The following SYNPR variants were observed in gnomAD, a reference collection of about 807,000 sequenced individuals.
The protein encoded by SYNPR is synaptoporin.
Under a neutral mutation model 32.9 loss-of-function variants are expected in SYNPR, and 23 were observed. The ratio of observed to expected loss-of-function variants is 0.70; its 90% CI spans 0.50 to 0.99. The LOEUF (loss-of-function observed/expected upper bound fraction) is 0.99, where lower values mean the gene tolerates loss of function less well. SYNPR is among the 50% of genes least tolerant of loss of function. SYNPR has a pLI of 0.00. For missense variants in SYNPR, 318 were observed against 349.3 expected (o/e 0.91, Z 0.71); for synonymous variants, 146 against 135.9 (o/e 1.07, Z -0.52).
intron 2 of SYNPR, among the ~76,000 whole-genome samples, chr3:63,338,303 G>C (rs62251360): frequency 0.13 from 19,439 of 152,240 alleles, 1,357 homozygotes; most frequent in Non-Finnish European, 0.16. Context: ...TACCCCATGA[G>C]AAGGTTCATG....
intron 4 of SYNPR, among the ~76,000 whole-genome samples, 178 bp from the exon 5 acceptor site, chr3:63,608,943 AAGAT>A (rs1355353368): frequency 1.3e-5 from 2 of 152,102 alleles, no homozygotes; most frequent in Non-Finnish European, 2.9e-5. Context: ...ATTTTATAGA[AAGAT>A]AAATATAATA....
At chr3:63,439,717 G>A (rs1700136063) in intron 2 of SYNPR, among the ~76,000 whole-genome samples, 1 of 152,154 alleles carries the variant, frequency 6.6e-6, no homozygotes, top group African/African-American at 2.4e-5. Flanking sequence ...CTTCCAGAAT[G>A]TTCTTTGAAT....
At chr3:63,282,419 G>C (rs900678263) in intron 2 of SYNPR, among the ~76,000 whole-genome samples, 2 of 152,074 alleles carry the variant, frequency 1.3e-5, no homozygotes, top group African/African-American at 4.8e-5. Context: ...GAGAGAAACT[G>C]AAAACAAATT....
intron 3 of SYNPR, among the ~76,000 whole-genome samples, chr3:63,491,577 A>G (rs11130929): frequency 0.6 from 90,440 of 151,916 alleles, 27,071 homozygotes; most frequent in African/African-American, 0.64. Context: ...CTGGAGGGCA[A>G]TGGTGCAATC....
At chr3:63,369,161 C>G (rs1408671042) in intron 2 of SYNPR, among the ~76,000 whole-genome samples, 2 of 152,124 alleles carry the variant, frequency 1.3e-5, no homozygotes, top group East Asian at 3.9e-4. Flanking sequence ...AAAGAGACAC[C>G]AGGAACATGC....
chr3:63,602,528 T>C (rs1274370082), intron 4 of SYNPR, among the ~76,000 whole-genome samples: 4 of 152,178 alleles, frequency 2.6e-5, no homozygotes, highest in Admixed American at 1.3e-4. Context: ...TTGTATATGG[T>C]GTAAGAAAAG....
At chr3:63,549,821 T>C (rs1428353284) in intron 3 of SYNPR, among the ~76,000 whole-genome samples, 3 of 152,056 alleles carry the variant, frequency 2.0e-5, no homozygotes, top group African/African-American at 2.4e-5. Context: ...TAAACATTGG[T>C]ACATATTTTT....
intron 2 of SYNPR, among the ~76,000 whole-genome samples, chr3:63,366,445 A>G (rs1050369489): frequency 2.6e-5 from 4 of 152,236 alleles, no homozygotes; most frequent in Non-Finnish European, 4.4e-5. Flanking sequence ...AAGCCACTCT[A>G]GGAAATTTTC....
At chr3:63,421,693 G>T (rs1699801543) in intron 2 of SYNPR, among the ~76,000 whole-genome samples, 1 of 152,164 alleles carries the variant, frequency 6.6e-6, no homozygotes, top group African/African-American at 2.4e-5. Flanking sequence ...CAGGCACTCT[G>T]CTCAGACTGA....
intron 2 of SYNPR, among the ~76,000 whole-genome samples, chr3:63,465,753 A>C (rs1700666080): frequency 6.6e-6 from 1 of 152,136 alleles, no homozygotes; most frequent in South Asian, 2.1e-4. Flanking sequence ...ACAATATATC[A>C]CGTACAAAAA....
chr3:63,288,313 C>T (rs1175522388), intron 2 of SYNPR, among the ~76,000 whole-genome samples: 1 of 152,164 alleles, frequency 6.6e-6, no homozygotes, highest in Non-Finnish European at 1.5e-5. Context: ...TCCTTTAAGT[C>T]ATTAAGAGGA....
At chr3:63,225,972 G>A (rs185312298), upstream of SYNPR, among the ~76,000 whole-genome samples, 1 of 151,862 alleles carries the variant, frequency 6.6e-6, no homozygotes, top group East Asian at 1.9e-4. Context: ...AAAAATCCCA[G>A]TAAAAAGTAG....
chr3:63,605,993 T>C (rs1700113406), intron 4 of SYNPR, among the ~76,000 whole-genome samples: 1 of 152,256 alleles, frequency 6.6e-6, no homozygotes, highest in South Asian at 2.1e-4. Context: ...TTACATTTAT[T>C]TGTCACTCAC....
chr3:63,542,066 G>A (rs773485059), intron 3 of SYNPR, among the ~76,000 whole-genome samples: 4 of 152,078 alleles, frequency 2.6e-5, no homozygotes, highest in Non-Finnish European at 5.9e-5. Flanking sequence ...AAAGAAGCTA[G>A]GTGAAAGTCA....
chr3:63,372,793 C>T (rs1157870671), intron 2 of SYNPR, among the ~76,000 whole-genome samples: 1 of 152,160 alleles, frequency 6.6e-6, no homozygotes, highest in East Asian at 1.9e-4. Context: ...CCAGAAGAGT[C>T]AAGTAAAGAT....
the SYNPR span, among the ~76,000 whole-genome samples, chr3:63,210,522 G>T: frequency 2.4e-4 from 36 of 152,322 alleles, no homozygotes; most frequent in African/African-American, 8.7e-4. Context: ...GATTTGGTTG[G>T]TTGGTCTGGT....
chr3:63,495,228 C>T (rs78758980), intron 3 of SYNPR, among the ~76,000 whole-genome samples: 1 of 152,180 alleles, frequency 6.6e-6, no homozygotes, highest in African/African-American at 2.4e-5. Context: ...TAAGGAGTCA[C>T]ACAAATGACA....
chr3:63,506,648 A>G (rs1230729731), intron 3 of SYNPR, among the ~76,000 whole-genome samples: 1 of 152,202 alleles, frequency 6.6e-6, no homozygotes, highest in Non-Finnish European at 1.5e-5. Flanking sequence ...ATTTGATCAT[A>G]GAAACTTTTC....
intron 2 of SYNPR, among the ~76,000 whole-genome samples, chr3:63,448,523 A>G (rs1700320750): frequency 6.6e-6 from 1 of 152,194 alleles, no homozygotes; most frequent in Non-Finnish European, 1.5e-5. Flanking sequence ...CTGGCTTTAG[A>G]TCTCCATGAG....
Sources: gnomAD v4.1 joint callset for allele counts (sites outside exome capture counted in the v4.1 genomes callset) on GRCh38, gnomAD v4.1.1 for gene constraint, MANE v1.5 for transcripts, NCBI Gene and HGNC (gene_info 2026-07-23, HGNC 2026-07-21) for gene names.